The following SCARB2 variants were observed in gnomAD, a reference collection of about 807,000 sequenced individuals.
The protein encoded by SCARB2 is lysosome membrane protein 2.
A neutral mutation model predicts 58.6 loss-of-function variants in SCARB2; 29 were observed. That is an observed-to-expected ratio of 0.49 (90% CI 0.37 to 0.67). The LOEUF (loss-of-function observed/expected upper bound fraction) is 0.67. SCARB2 is among the 30% of genes least tolerant of loss of function. SCARB2 has a pLI of 0.00. For synonymous variants in SCARB2, 195 were observed against 210.1 expected, an observed-to-expected ratio of 0.93 and a Z score of 0.62; for missense variants, 488 against 578.5, an observed-to-expected ratio of 0.84 and a Z score of 1.60.
chr4:76,194,367 C>T (rs1732665847), intron 2 of SCARB2: 1 of 152,174 alleles, frequency 6.6e-6, no homozygotes, highest in Non-Finnish European at 1.5e-5. Context: ...GCACTTTATA[C>T]ATGACTCATT....
chr4:76,214,283 A>C (rs2109975525), upstream of SCARB2: 1 of 456,162 alleles, frequency 2.2e-6, no homozygotes, highest in Non-Finnish European at 4.4e-6. Context: ...TCATGCCAGC[A>C]AGCATGTTCT....
At chr4:76,215,017 T>A (rs554400797), upstream of SCARB2, among the ~76,000 whole-genome samples, 52 of 152,336 alleles carry the variant, frequency 3.4e-4, no homozygotes, top group South Asian at 1.4e-3. Flanking sequence ...TTTAGCCAAA[T>A]GGGCTTGTCC....
At position 76,158,902 on chromosome 4, in the gene SCARB2, A is replaced by C. The variant is rs953666249; in HGVS notation, c.*2811T>G. Reference sequence around the variant, plus strand: ...CAAGCAATTTAGTGATAATGTCCAGAGGGCCAAGGATGCGGACCACCTTTT... The same window carrying C: ...CAAGCAATTTAGTGATAATGTCCAGCGGGCCAAGGATGCGGACCACCTTTT... On this transcript the variant is annotated 3_prime_UTR_variant, in exon 12 of 12. Transcript: ENST00000264896. 3 of 152,242 alleles carry C rather than the reference A, an allele frequency of 2.0e-5. No homozygotes were observed. The highest frequency in any genetic ancestry group is 7.2e-5 in the African/African-American group (3 of 41,462). 9.4% of individuals were successfully genotyped at this position (152,242 alleles called of 1,614,324 possible). A position where few individuals can be genotyped will look rare whatever the true frequency, so the allele number is the denominator to read the frequency against.
At chr4:76,190,767 G>A (rs1222729239) in intron 2 of SCARB2, among the ~76,000 whole-genome samples, 1 of 152,102 alleles carries the variant, frequency 6.6e-6, no homozygotes, top group Non-Finnish European at 1.5e-5. Context: ...CTGGGAGACA[G>A]AATGAGACTC....
intron 10 of SCARB2, chr4:76,164,638 A>G (rs62302643): frequency 3.5e-5 from 3 of 85,770 alleles, no homozygotes; most frequent in Non-Finnish European, 6.4e-5. Context: ...CCATCTCAGG[A>G]AAAAAAAAAA....
rs751162374 is a variant in SCARB2 at position 76,181,119 on chromosome 4, G to A, written c.276-18C>T. 1.2e-6 allele frequency: 2 copies of A among 1,611,282 alleles called. No individual in the cohort carries two copies. The highest frequency in any genetic ancestry group is 2.2e-5 in the East Asian group (1 of 44,750). ...TGAGTTCCCTAAAAGAAAGAAAAGG[G>A]TTTTATTTGAAAATAGACACCACTT... is the stretch of plus-strand genomic sequence containing the variant. On this transcript the variant is annotated intron_variant, in intron 2 of 11. Coordinates refer to ENST00000264896, the MANE Select transcript of SCARB2 (RefSeq NM_005506.4).
chr4:76,169,994 G>A lies in SCARB2; in HGVS notation c.995-9C>T, dbSNP rs1230335794. On this transcript the variant is annotated splice_polypyrimidine_tract_variant and intron_variant, in intron 7 of 11. Coordinates refer to ENST00000264896, the MANE Select transcript of SCARB2 (RefSeq NM_005506.4). ...CATAATGATGGGTGCACCTGCATTT[G>A]AAGGAAAACAGAAATGAATGATGCT... The A allele has an allele frequency of 6.3e-7, 1 of 1,599,166 alleles. No individual in the cohort carries two copies. The highest frequency in any genetic ancestry group is 2.2e-5 in the East Asian group (1 of 44,728).
chr4:76,230,133 A>T (rs532194550), intron 1 of SCARB2, among the ~76,000 whole-genome samples: 1 of 152,246 alleles, frequency 6.6e-6, no homozygotes, highest in South Asian at 2.1e-4. Context: ...TGGGATGGGT[A>T]GAGAAAAACC....
intron 2 of SCARB2, among the ~76,000 whole-genome samples, chr4:76,185,914 C>T (rs747144889): frequency 7.9e-5 from 12 of 152,182 alleles, no homozygotes; most frequent in South Asian, 6.2e-4. Flanking sequence ...GAGGTAATAA[C>T]GTACTCACCT....
In SCARB2 at chr4:76,195,718, T is replaced by C. The variant is rs765664728; in HGVS notation, c.264A>G (p.Pro88=). Residue 88 remains proline, a synonymous_variant, in exon 2 of 12, where the codon CCA becomes CCG. Transcript: ENST00000264896. ...GETPRVEEVG[P]YTYRELRNKA... is the part of the protein sequence containing the mutation. ...TGGTCAAGACTTACCTGTAGGTGTA[T>C]GGCCCCACTTCTTCCACCCGAGGGG... 5 of 1,613,902 alleles carry C rather than the reference T, an allele frequency of 3.1e-6. No homozygotes were observed. The Admixed American group carries it at 5.0e-5, about 16-fold the overall frequency.
At position 76,172,150 on chromosome 4, in the gene SCARB2, C is replaced by A. The variant is rs958816473; in HGVS notation, c.994+1994G>T. Among the ~76,000 whole-genome samples, 3 of 148,150 alleles carry A rather than the reference C, an allele frequency of 2.0e-5. No homozygotes were observed. In the East Asian group the frequency reaches 5.9e-4, roughly 29 times the overall value. ...TAACATATACATACATAAATATATA[C>A]ATGTGGCTGTTAAAACTAGTCTTCA... is the stretch of plus-strand genomic sequence containing the variant. On this transcript the variant is annotated intron_variant, in intron 7 of 11. Transcript: ENST00000264896.
intron 9 of SCARB2, among the ~76,000 whole-genome samples, chr4:76,167,377 A>C (rs1039104438): frequency 1.3e-5 from 2 of 152,138 alleles, no homozygotes; most frequent in African/African-American, 4.8e-5. Flanking sequence ...ATTTCTCATG[A>C]ATGGTTTAGC....
chr4:76,220,368 TGTAATACCA>T (rs1733287115), intron 1 of SCARB2, among the ~76,000 whole-genome samples: 1 of 152,218 alleles, frequency 6.6e-6, no homozygotes, highest in African/African-American at 2.4e-5. Context: ...GGCTCATACC[TGTAATACCA>T]GTATTTTGGG....
intron 6 of SCARB2, chr4:76,175,330 G>C (rs558767545): frequency 2.6e-5 from 5 of 189,604 alleles, no homozygotes; most frequent in African/African-American, 1.2e-4. Context: ...TGGCTTCCAT[G>C]TAGAGACTAC....
In SCARB2 at chr4:76,159,684, T is replaced by C. The variant is rs1024247879; in HGVS notation, c.*2029A>G. On this transcript the variant is annotated 3_prime_UTR_variant, in exon 12 of 12. Coordinates refer to ENST00000264896, the MANE Select transcript of SCARB2 (RefSeq NM_005506.4). ...TTGCAGTGAGCCGAGATCATGCCACTGTACTCCAGCCTGGCGACAGAGTGA... is the reference window on the plus strand; with the variant it reads ...TTGCAGTGAGCCGAGATCATGCCACCGTACTCCAGCCTGGCGACAGAGTGA... The C allele has an allele frequency of 3.3e-5, 5 of 152,238 alleles. No individual in the cohort carries two copies. Among genetic ancestry groups the C allele is most frequent in the African/African-American group, 1.2e-4 (5 of 41,424 alleles). The allele number at this position is 152,238 out of a possible 1,614,324, so 9.4% of individuals were successfully genotyped here.
chr4:76,192,042 A>AT (rs1176179502), intron 2 of SCARB2: 1 of 152,304 alleles, frequency 6.6e-6, no homozygotes, highest in African/African-American at 2.4e-5. Context: ...AAGTGCTAGG[A>AT]TTACAGGTAT....
At chr4:76,190,134 A>G (rs1168542514) in intron 2 of SCARB2, among the ~76,000 whole-genome samples, 1 of 150,574 alleles carries the variant, frequency 6.6e-6, no homozygotes, top group Non-Finnish European at 1.5e-5. Context: ...TCAGCCTCCC[A>G]CGTAGCTGGG....
chr4:76,177,828 T>C (rs1180101019), intron 4 of SCARB2, among the ~76,000 whole-genome samples: 1 of 152,104 alleles, frequency 6.6e-6, no homozygotes, highest in Non-Finnish European at 1.5e-5. Context: ...AATATGCAAA[T>C]TCACAGAGCC....
At chr4:76,167,215 G>C (rs1168413966) in intron 9 of SCARB2, among the ~76,000 whole-genome samples, 1 of 152,212 alleles carries the variant, frequency 6.6e-6, no homozygotes, top group Non-Finnish European at 1.5e-5. Context: ...AGTGGGATCA[G>C]TGGGAATAGA....
Sources: gnomAD v4.1 joint callset for allele counts (sites outside exome capture counted in the v4.1 genomes callset) on GRCh38, gnomAD v4.1.1 for gene constraint, MANE v1.5 for transcripts, NCBI Gene and HGNC (gene_info 2026-07-23, HGNC 2026-07-21) for gene names.